Variants in ANKRD29 observed in about 807,000 individuals in gnomAD.
ANKRD29 encodes the protein ankyrin repeat domain 29.
In ANKRD29, 32 loss-of-function variants were observed where a neutral mutation model predicts 38.0. The ratio of observed to expected loss-of-function variants is 0.84; its 90% CI spans 0.64 to 1.13. The LOEUF (loss-of-function observed/expected upper bound fraction) is 1.13. Ranked by LOEUF, ANKRD29 falls within the 50% of genes most tolerant of loss-of-function variation. ANKRD29 has a pLI of 0.00. For missense variants in ANKRD29, 357 were observed against 377.9 expected (o/e 0.94, Z 0.46); for synonymous variants, 135 against 152.4 (o/e 0.89, Z 0.84).
intron 7 of ANKRD29, among the ~76,000 whole-genome samples, chr18:23,618,246 T>A (rs1372592841): frequency 2.0e-5 from 3 of 152,222 alleles, no homozygotes; most frequent in Non-Finnish European, 4.4e-5. Context: ...TCTAAAAAAA[T>A]TTATACAGCC....
intron 9 of ANKRD29, among the ~76,000 whole-genome samples, chr18:23,607,049 C>T (rs2059583378): frequency 6.6e-6 from 1 of 152,130 alleles, no homozygotes; most frequent in Non-Finnish European, 1.5e-5. Context: ...TTCTGCAGTC[C>T]CCATCTTCTA....
chr18:23,642,613 C>T (rs1045426270), intron 3 of ANKRD29, among the ~76,000 whole-genome samples: 6 of 152,216 alleles, frequency 3.9e-5, no homozygotes, highest in Admixed American at 1.3e-4. Context: ...ATGAGCCCAA[C>T]GGGCCTGAGC....
chr18:23,619,820 G>A (rs2059773987), intron 6 of ANKRD29, 191 bp from the exon 7 acceptor site: 2 of 508,726 alleles, frequency 3.9e-6, no homozygotes, highest in Middle Eastern at 5.1e-4. Context: ...GTAGCCCACG[G>A]ACGCAGACGG....
At chr18:23,630,716 T>G (rs1223098098) in intron 5 of ANKRD29, among the ~76,000 whole-genome samples, 1 of 151,814 alleles carries the variant, frequency 6.6e-6, no homozygotes, top group Non-Finnish European at 1.5e-5. Context: ...TTTTTGTCAA[T>G]GAAGAGCCAA....
chr18:23,644,401 T>C (rs2060113338), intron 3 of ANKRD29, among the ~76,000 whole-genome samples: 1 of 152,106 alleles, frequency 6.6e-6, no homozygotes, highest in East Asian at 1.9e-4. Flanking sequence ...AGAGGAAAAA[T>C]AAAAAGATTA....
At chr18:23,608,684 G>C (rs2059602293) in intron 9 of ANKRD29, among the ~76,000 whole-genome samples, 1 of 152,150 alleles carries the variant, frequency 6.6e-6, no homozygotes, top group Admixed American at 6.5e-5. Context: ...CTTGTTCATT[G>C]CTGGGCATAG....
intron 8 of ANKRD29, 22 bp downstream of exon 8, chr18:23,617,710 A>G (rs1238443035): frequency 6.2e-7 from 1 of 1,600,664 alleles, no homozygotes; most frequent in Non-Finnish European, 8.6e-7. Context: ...ACAGATTAGT[A>G]AAATTTATCT....
At chr18:23,662,429 G>A (rs893476858) in intron 1 of ANKRD29, among the ~76,000 whole-genome samples, 3 of 152,176 alleles carry the variant, frequency 2.0e-5, no homozygotes, top group African/African-American at 7.2e-5. Context: ...CCCGGCGACA[G>A]TCCCCGCCGC....
chr18:23,659,371 GT>G (rs2060325720), intron 1 of ANKRD29, among the ~76,000 whole-genome samples: 1 of 152,180 alleles, frequency 6.6e-6, no homozygotes, highest in Non-Finnish European at 1.5e-5. Flanking sequence ...TTATGTTCAA[GT>G]TTTTGTGTGA....
intron 8 of ANKRD29, among the ~76,000 whole-genome samples, chr18:23,613,608 T>C (rs2059672693): frequency 6.6e-6 from 1 of 151,970 alleles, no homozygotes. Context: ...ACAATTTTTT[T>C]TTTTTTTTTG....
chr18:23,636,651 G>C (rs2060006988), intron 4 of ANKRD29, among the ~76,000 whole-genome samples: 2 of 152,028 alleles, frequency 1.3e-5, no homozygotes, highest in Non-Finnish European at 1.5e-5. Context: ...ATGACTCACT[G>C]CAGCCTTGAC....
intron 1 of ANKRD29, among the ~76,000 whole-genome samples, chr18:23,653,510 A>G (rs2060236888): frequency 6.6e-6 from 1 of 152,084 alleles, no homozygotes; most frequent in South Asian, 2.1e-4. Flanking sequence ...TGGCCTCCCA[A>G]AGTGCTAGGA....
rs1312480731 is a variant in ANKRD29 at position 23,659,761 on chromosome 18, AC to A, written c.21+2948del. On this transcript the variant is annotated intron_variant, in intron 1 of 9. Coordinates refer to ENST00000592179, the MANE Select transcript of ANKRD29 (RefSeq NM_173505.4). ...CATCTCAAAAAAGACAAAAAAAAAA[AC>A]AAAAAACAAACAAACAAAAAAAACT... Among the ~76,000 whole-genome samples the A allele has an allele frequency of 4.1e-5, 6 of 144,888 alleles. No individual in the cohort carries two copies. The South Asian group carries it at 6.7e-4, about 16-fold the overall frequency.
chr18:23,659,427 C>G (rs1169092295), intron 1 of ANKRD29, among the ~76,000 whole-genome samples: 3 of 152,128 alleles, frequency 2.0e-5, no homozygotes, highest in African/African-American at 7.2e-5. Context: ...AGTGAAATTG[C>G]TGGGTCATGT....
intron 9 of ANKRD29, among the ~76,000 whole-genome samples, chr18:23,610,829 C>T (rs1472123605): frequency 6.6e-6 from 1 of 152,106 alleles, no homozygotes; most frequent in Non-Finnish European, 1.5e-5. Flanking sequence ...TACAGGTGCA[C>T]ACCACCACAC....
intron 6 of ANKRD29, 37 bp downstream of exon 6, chr18:23,629,816 G>T: frequency 6.3e-7 from 1 of 1,577,906 alleles, no homozygotes; most frequent in Non-Finnish European, 8.7e-7. Flanking sequence ...TGCCCCATGC[G>T]CCATGTGCTC....
At chr18:23,655,899 C>T (rs368288667) in intron 1 of ANKRD29, among the ~76,000 whole-genome samples, 114 of 149,318 alleles carry the variant, frequency 7.6e-4, no homozygotes, top group African/African-American at 2.7e-3. Flanking sequence ...CGAGACCATC[C>T]CGGCTAAAAC....
At chr18:23,623,380 T>A (rs973694948) in intron 6 of ANKRD29, among the ~76,000 whole-genome samples, 7 of 152,160 alleles carry the variant, frequency 4.6e-5, no homozygotes. Flanking sequence ...AGATTACCTA[T>A]CAGTTGATTA....
intron 4 of ANKRD29, among the ~76,000 whole-genome samples, chr18:23,634,873 G>A (rs1033114244): frequency 2.6e-5 from 4 of 152,184 alleles, no homozygotes; most frequent in South Asian, 2.1e-4. Flanking sequence ...GGGAAACGCC[G>A]TCTTCTCCCT....
Sources: allele counts gnomAD v4.1 joint callset (sites outside exome capture counted in the v4.1 genomes callset), GRCh38; gene constraint gnomAD v4.1.1; transcripts MANE v1.5; gene names NCBI Gene and HGNC (gene_info 2026-07-23, HGNC 2026-07-21).